The following NXPH1 variants were observed in gnomAD, a reference collection of about 807,000 sequenced individuals.
NXPH1 encodes neurexophilin-1.
Under a neutral mutation model 23.7 loss-of-function variants are expected in NXPH1, and 5 were observed. The observed-to-expected ratio is 0.21, with a 90% confidence interval of 0.11 to 0.44. The LOEUF (loss-of-function observed/expected upper bound fraction) is 0.44. Ranked by LOEUF, NXPH1 falls within the 20% of genes least tolerant of loss-of-function variation. The pLI is 0.99. For missense variants in NXPH1, 324 were observed against 321.6 expected (o/e 1.01, Z -0.06); for synonymous variants, 144 against 122.2 (o/e 1.18, Z -1.18).
rs1780569542 is a variant in NXPH1, at chr7:8,751,815, T to C, written c.*46T>C. 6.5e-7 allele frequency: 1 copy of C among 1,533,070 alleles called. No individual in the cohort carries two copies. The highest frequency in any genetic ancestry group is 1.4e-5 in the African/African-American group (1 of 73,136). The allele number at this position is 1,533,070 out of a possible 1,614,324, so 95.0% of individuals were successfully genotyped here. ...CTGAAGCCTGAGGAATTAAAGGTCA[T>C]ATGACAGGGCTGTTACCTCAAAGAA... is the stretch of plus-strand genomic sequence containing the variant. On this transcript the variant is annotated 3_prime_UTR_variant, in exon 3 of 3. Coordinates refer to ENST00000405863, the MANE Select transcript of NXPH1 (RefSeq NM_152745.3). This position sits in a 1 kb window ranked among gnomAD's most constrained non-coding sequence, Gnocchi z 4.5.
At chr7:8,534,443 A>G (rs897458154) in intron 2 of NXPH1, among the ~76,000 whole-genome samples, 20 of 152,138 alleles carry the variant, frequency 1.3e-4, no homozygotes, top group African/African-American at 4.8e-4. Flanking sequence ...TTCCACACCA[A>G]TAATAATCTC....
At chr7:8,696,399 A>G (rs1354675317) in intron 2 of NXPH1, among the ~76,000 whole-genome samples, 2 of 152,212 alleles carry the variant, frequency 1.3e-5, no homozygotes, top group Non-Finnish European at 2.9e-5. Flanking sequence ...TCTGAGGAGG[A>G]GTATTACTAA....
chr7:8,580,806 A>G (rs183792682), intron 2 of NXPH1, among the ~76,000 whole-genome samples: 87 of 152,198 alleles, frequency 5.7e-4, no homozygotes, highest in Non-Finnish European at 1.0e-3. Context: ...TTCCTTCCAG[A>G]GCAATTAGGG....
intron 2 of NXPH1, among the ~76,000 whole-genome samples, chr7:8,460,900 A>G (rs1025362732): frequency 3.9e-5 from 6 of 152,358 alleles, no homozygotes; most frequent in Middle Eastern, 3.4e-3. Context: ...CAATGAAATA[A>G]TCCATGTGAA....
intron 2 of NXPH1, among the ~76,000 whole-genome samples, chr7:8,462,391 A>G (rs1485667802): frequency 6.6e-6 from 1 of 152,240 alleles, no homozygotes; most frequent in Non-Finnish European, 1.5e-5. Flanking sequence ...AAGAACATAT[A>G]TGTGCTAGGC....
intron 2 of NXPH1, among the ~76,000 whole-genome samples, chr7:8,546,254 G>A (rs1418175549): frequency 6.6e-6 from 1 of 151,296 alleles, no homozygotes; most frequent in African/African-American, 2.4e-5. Context: ...ATGAAAGTAT[G>A]GTCCTCCCAT....
rs185536557 is a variant in NXPH1 at position 8,692,712 on chromosome 7, C to A, written c.55-58296C>A. ...GGGTGCTTTGTGTTAGTCTAACTCC[C>A]AGTATCCTTTGTGTACACAATTGTA... On this transcript the variant is annotated intron_variant, in intron 2 of 2. Coordinates refer to ENST00000405863, the MANE Select transcript of NXPH1 (RefSeq NM_152745.3). 1.4e-3 allele frequency among the ~76,000 whole-genome samples: 213 copies of A among 152,248 alleles called. 3 individuals are homozygous for A. Among genetic ancestry groups the A allele is most frequent in the Middle Eastern group, 6.8e-3 (2 of 294 alleles).
At chr7:8,443,278 G>T (rs1467416916) in intron 2 of NXPH1, among the ~76,000 whole-genome samples, 1 of 152,190 alleles carries the variant, frequency 6.6e-6, no homozygotes, top group Non-Finnish European at 1.5e-5. Context: ...GAGATTTTGC[G>T]AATCCTTCTT....
intron 2 of NXPH1, among the ~76,000 whole-genome samples, chr7:8,643,171 A>G (rs1820345051): frequency 1.2e-5 from 1 of 84,734 alleles, no homozygotes; most frequent in Non-Finnish European, 3.0e-5. Context: ...CCAGGCATAC[A>G]CTTTTATAAG....
intron 2 of NXPH1, among the ~76,000 whole-genome samples, chr7:8,637,746 T>C (rs529741515): frequency 2.6e-5 from 4 of 152,232 alleles, no homozygotes; most frequent in African/African-American, 9.6e-5. Context: ...GCTCTTCAGC[T>C]TCATTGAATT....
rs1034425180 is a variant in NXPH1 at position 8,743,440 on chromosome 7, T to C, written c.55-7568T>C. The stretch of plus-strand genomic sequence containing the variant: ...GAGACACTTCTAGTTGAAGATTTTA[T>C]ATATAAAGAAGTAAACATTTTGTCA... On this transcript the variant is annotated intron_variant, in intron 2 of 2. Transcript: ENST00000405863. 2.0e-5 allele frequency among the ~76,000 whole-genome samples: 3 copies of C among 151,924 alleles called. No homozygotes were observed. In the South Asian group the frequency reaches 6.3e-4, roughly 32 times the overall value.
At chr7:8,538,796 T>C (rs1419885285) in intron 2 of NXPH1, among the ~76,000 whole-genome samples, 1 of 151,768 alleles carries the variant, frequency 6.6e-6, no homozygotes, top group Non-Finnish European at 1.5e-5. Context: ...AATCATTCAG[T>C]TTGGATGTTA....
rs147156065 is a variant in NXPH1, at chr7:8,709,153, A to G, written c.55-41855A>G. On this transcript the variant is annotated intron_variant, in intron 2 of 2. Transcript: ENST00000405863. Reference sequence around the variant, plus strand: ...ATAAGAGTATTTGTTATTGTTTTCAATCTTTTGAACACTGTTGATTGTTGG... The same window carrying G: ...ATAAGAGTATTTGTTATTGTTTTCAGTCTTTTGAACACTGTTGATTGTTGG... Among the ~76,000 whole-genome samples the G allele has an allele frequency of 4.1e-3, 624 of 152,316 alleles. 4 individuals carry two copies. Among genetic ancestry groups the G allele is most frequent in the Admixed American group, 9.4e-3 (144 of 15,298 alleles).
At chr7:8,501,484 G>A (rs1817433692) in intron 2 of NXPH1, among the ~76,000 whole-genome samples, 1 of 152,004 alleles carries the variant, frequency 6.6e-6, no homozygotes, top group South Asian at 2.1e-4. Flanking sequence ...CTTATGAACA[G>A]AATTATGTAA....
chr7:8,454,380 A>C (rs1255659748), intron 2 of NXPH1, among the ~76,000 whole-genome samples: 1 of 152,160 alleles, frequency 6.6e-6, no homozygotes, highest in Non-Finnish European at 1.5e-5. Context: ...CAGAGTTTAA[A>C]GGGGAGATAG....
chr7:8,748,866 G>A (rs1780517233), intron 2 of NXPH1, among the ~76,000 whole-genome samples: 1 of 152,202 alleles, frequency 6.6e-6, no homozygotes, highest in Non-Finnish European at 1.5e-5. Context: ...TTAGGAAGAT[G>A]ACAGCTTCAG....
intron 2 of NXPH1, among the ~76,000 whole-genome samples, chr7:8,643,635 T>C (rs912589470): frequency 5.3e-5 from 8 of 152,182 alleles, no homozygotes; most frequent in African/African-American, 1.7e-4. Context: ...TGAGATAATA[T>C]ATAATACGAA....
intron 2 of NXPH1, among the ~76,000 whole-genome samples, chr7:8,647,422 A>G (rs531544251): frequency 1.8e-3 from 270 of 152,220 alleles, no homozygotes; most frequent in African/African-American, 6.2e-3. Flanking sequence ...TGGTCACACG[A>G]TTGCATTTAA....
chr7:8,486,994 C>G (rs77021371), intron 2 of NXPH1, among the ~76,000 whole-genome samples: 3,948 of 152,136 alleles, frequency 0.026, 179 homozygotes, highest in African/African-American at 0.091. Context: ...TTTCCATGAT[C>G]AGATATTATG....
Sources: allele counts gnomAD v4.1 joint callset (sites outside exome capture counted in the v4.1 genomes callset), GRCh38; gene constraint gnomAD v4.1.1; non-coding constraint Gnocchi (gnomAD v3.1); transcripts MANE v1.5; gene names NCBI Gene and HGNC (gene_info 2026-07-23, HGNC 2026-07-21).